The following MTHFD1L variants were observed in gnomAD, a reference collection of about 807,000 sequenced individuals.
MTHFD1L encodes monofunctional C1-tetrahydrofolate synthase, mitochondrial.
MTHFD1L carries 81 observed loss-of-function variants against 119.5 expected under a neutral mutation model. The ratio of observed to expected loss-of-function variants is 0.68; its 90% CI spans 0.57 to 0.82. The LOEUF is 0.82. MTHFD1L is among the 40% of genes least tolerant of loss of function. The pLI is 0.00. For synonymous variants in MTHFD1L, 430 were observed against 475.2 expected, an observed-to-expected ratio of 0.90 and a Z score of 1.24; for missense variants, 1,125 against 1,253.4, an observed-to-expected ratio of 0.90 and a Z score of 1.55.
intron 17 of MTHFD1L, among the ~76,000 whole-genome samples, chr6:150,959,772 G>A (rs1796162747): frequency 6.6e-6 from 1 of 152,160 alleles, no homozygotes; most frequent in African/African-American, 2.4e-5. Context: ...ACTAACAAGG[G>A]AGGTGGCCCG....
Position 150,897,526 on chromosome 6 carries a change from T to C in MTHFD1L, c.781-8124T>C, listed in dbSNP as rs144361857. ...TGGGAAACTTCATCTGGAGCTTTAA[T>C]GCACTTCTTAGCTGTGGGGTAAGTT... On this transcript the variant is annotated intron_variant, in intron 7 of 27. Coordinates refer to ENST00000367321, the MANE Select transcript of MTHFD1L (RefSeq NM_015440.5). Among the ~76,000 whole-genome samples, 465 of 152,358 alleles carry C rather than the reference T, an allele frequency of 3.1e-3. 3 individuals are homozygous for C. Among genetic ancestry groups the C allele is most frequent in the African/African-American group, 0.011 (450 of 41,588 alleles).
intron 7 of MTHFD1L, among the ~76,000 whole-genome samples, chr6:150,901,895 C>A (rs1785153262): frequency 6.6e-6 from 1 of 152,094 alleles, no homozygotes; most frequent in Admixed American, 6.5e-5. Context: ...GTGTTGGTAA[C>A]ATTTGAAGGA....
chr6:150,884,440 C>G (rs1167182264), intron 5 of MTHFD1L, among the ~76,000 whole-genome samples: 1 of 151,922 alleles, frequency 6.6e-6, no homozygotes, highest in Non-Finnish European at 1.5e-5. Flanking sequence ...GCGCCTGGCC[C>G]CTTGTCTCTA....
chr6:150,915,108 G>T (rs1236734454), intron 8 of MTHFD1L, among the ~76,000 whole-genome samples: 1 of 152,098 alleles, frequency 6.6e-6, no homozygotes, highest in Non-Finnish European at 1.5e-5. Context: ...CTTCTTACAT[G>T]GCTCATTATG....
chr6:150,866,614 C>G (rs1024155724), intron 1 of MTHFD1L: 1 of 1,213,506 alleles, frequency 8.2e-7, no homozygotes, highest in Non-Finnish European at 1.0e-6. Flanking sequence ...GGCTGACGTC[C>G]GCTTTTCCCG....
chr6:150,979,926 G>A (rs1777200998), intron 20 of MTHFD1L, among the ~76,000 whole-genome samples: 2 of 150,874 alleles, frequency 1.3e-5, no homozygotes, highest in Admixed American at 1.3e-4. Context: ...CCATCATTTT[G>A]GTAGAAGAAA....
At chr6:151,092,734 C>T (rs1794562942) in intron 27 of MTHFD1L, 147 bp downstream of exon 27, 2 of 600,088 alleles carry the variant, frequency 3.3e-6, no homozygotes, top group Non-Finnish European at 5.8e-6. Flanking sequence ...AATGATTTTC[C>T]GTGACTGGAG....
chr6:150,898,162 T>C (rs928223075), intron 7 of MTHFD1L, among the ~76,000 whole-genome samples: 2 of 152,202 alleles, frequency 1.3e-5, no homozygotes, highest in Non-Finnish European at 2.9e-5. Flanking sequence ...AATCTTTTAA[T>C]GGGAACGTCT....
At chr6:150,920,435 G>T (rs1788700037) in intron 9 of MTHFD1L, among the ~76,000 whole-genome samples, 1 of 152,126 alleles carries the variant, frequency 6.6e-6, no homozygotes, top group Non-Finnish European at 1.5e-5. Flanking sequence ...TATGTACAGG[G>T]TAATACACAA....
chr6:150,887,556 A>G (rs1782521409), intron 6 of MTHFD1L, among the ~76,000 whole-genome samples: 1 of 152,160 alleles, frequency 6.6e-6, no homozygotes, highest in African/African-American at 2.4e-5. Flanking sequence ...CCCAGGTTCA[A>G]GTGATTTTCC....
chr6:150,927,182 T>A (rs960506688), intron 11 of MTHFD1L, among the ~76,000 whole-genome samples: 1 of 152,150 alleles, frequency 6.6e-6, no homozygotes, highest in African/African-American at 2.4e-5. Context: ...AAGAATGTAG[T>A]TTCATTGTAG....
intron 20 of MTHFD1L, among the ~76,000 whole-genome samples, chr6:150,985,750 T>G (rs1158259492): frequency 6.6e-6 from 1 of 152,088 alleles, no homozygotes; most frequent in Non-Finnish European, 1.5e-5. Context: ...TTTAAAATGT[T>G]TCCTTGTTAC....
intron 24 of MTHFD1L, among the ~76,000 whole-genome samples, chr6:151,030,726 A>G (rs12195019): frequency 0.18 from 26,805 of 152,244 alleles, 3,006 homozygotes; most frequent in Middle Eastern, 0.28. Context: ...CTTAGTCAAT[A>G]GGAAATATAG....
chr6:151,072,222 A>G (rs892745368), intron 26 of MTHFD1L, among the ~76,000 whole-genome samples: 1 of 152,168 alleles, frequency 6.6e-6, no homozygotes, highest in African/African-American at 2.4e-5. Flanking sequence ...CACATTAGTA[A>G]ATGAATGAAA....
At chr6:150,885,461 G>T (rs933673489) in intron 5 of MTHFD1L, among the ~76,000 whole-genome samples, 173 bp from the exon 6 acceptor site, 2 of 152,232 alleles carry the variant, frequency 1.3e-5, no homozygotes, top group African/African-American at 4.8e-5. Flanking sequence ...CTCCCAAAAT[G>T]CTGGGATTAC....
chr6:151,036,985 C>T lies in MTHFD1L; in HGVS notation c.2715C>T (p.Ile905=), dbSNP rs777196978. ...YTQQGFGNLP[I]CMAKTHLSLS... ...CACAGGGTTTTGGAAATTTGCCCATCTGCATGGCAAAGACCCACCTTTCTC... is the reference window on the plus strand; with the variant it reads ...CACAGGGTTTTGGAAATTTGCCCATTTGCATGGCAAAGACCCACCTTTCTC... The change falls in exon 26 of 28, where the codon ATC becomes ATT. Residue 905 remains isoleucine, a synonymous_variant. Transcript: ENST00000367321. 3.1e-6 allele frequency: 5 copies of T among 1,611,912 alleles called. No individual in the cohort carries two copies. In the Admixed American group the frequency reaches 8.3e-5, roughly 27 times the overall value.
intron 15 of MTHFD1L, among the ~76,000 whole-genome samples, chr6:150,948,546 A>T (rs1160995075): frequency 1.3e-5 from 2 of 151,206 alleles, no homozygotes; most frequent in Non-Finnish European, 2.9e-5. Flanking sequence ...CTGGTCTCGA[A>T]CTCCTGACCT....
chr6:150,877,797 T>G lies in MTHFD1L; in HGVS notation c.388T>G (p.Cys130Gly), dbSNP rs1036946187. The change falls in exon 4 of 28, where the codon TGC becomes GGC. Residue 130 changes from cysteine (C) to glycine (G), a missense_variant. Coordinates refer to ENST00000367321, the MANE Select transcript of MTHFD1L (RefSeq NM_015440.5). Reference sequence around the variant, plus strand: ...GGCTGGTCTGAACATCACTCACATTTGCCTCCCTCCAGATAGCAGTGAAGC... The same window carrying G: ...GGCTGGTCTGAACATCACTCACATTGGCCTCCCTCCAGATAGCAGTGAAGC... ...EEAGLNITHI[C>G]LPPDSSEAEI... 6.2e-7 allele frequency: 1 copy of G among 1,614,224 alleles called. No homozygotes were observed. The highest frequency in any genetic ancestry group is 1.3e-5 in the African/African-American group (1 of 75,068).
At chr6:150,935,928 C>A (rs1447713053) in intron 11 of MTHFD1L, among the ~76,000 whole-genome samples, 2 of 152,116 alleles carry the variant, frequency 1.3e-5, no homozygotes, top group Non-Finnish European at 2.9e-5. Flanking sequence ...TACTAAAGAA[C>A]AATTTTATGA....
Sources: gnomAD v4.1 joint callset for allele counts (sites outside exome capture counted in the v4.1 genomes callset) on GRCh38, gnomAD v4.1.1 for gene constraint, MANE v1.5 for transcripts, NCBI Gene and HGNC (gene_info 2026-07-23, HGNC 2026-07-21) for gene names.